GBE1: variants seen among roughly 807,000 people sequenced by gnomAD.
GBE1 encodes the protein 1,4-alpha-glucan-branching enzyme.
In GBE1, 70 loss-of-function variants were observed where a neutral mutation model predicts 88.8. That is an observed-to-expected ratio of 0.79 (90% confidence interval 0.65 to 0.96). The LOEUF (loss-of-function observed/expected upper bound fraction) is 0.96, where lower values mean the gene tolerates loss of function less well. Among genes scored for constraint, GBE1 ranks in the 40% least tolerant of loss-of-function variants. GBE1 has a pLI of 0.00. For missense variants in GBE1, 872 were observed against 871.0 expected (o/e 1.00, Z -0.01); for synonymous variants, 284 against 300.1 (o/e 0.95, Z 0.56).
At chr3:81,572,834 T>C (rs1171967481) in intron 12 of GBE1, among the ~76,000 whole-genome samples, 1 of 152,166 alleles carries the variant, frequency 6.6e-6, no homozygotes, top group South Asian at 2.1e-4. Flanking sequence ...ATGTGATCAC[T>C]GGACATAGTA....
intron 2 of GBE1, among the ~76,000 whole-genome samples, chr3:81,674,135 T>C (rs1352608878): frequency 6.6e-6 from 1 of 151,926 alleles, no homozygotes; most frequent in East Asian, 1.9e-4. Context: ...TCTCCAATCA[T>C]TGCTAAGCCC....
At position 81,648,879 on chromosome 3, in the gene GBE1, A is replaced by G; in HGVS notation, c.668T>C (p.Val223Ala). The G allele has an allele frequency of 6.3e-7, 1 of 1,575,514 alleles. No homozygotes were observed. The highest frequency in any genetic ancestry group is 8.6e-7 in the Non-Finnish European group (1 of 1,158,762). The change falls in exon 5 of 16, where the codon GTA (valine) becomes GCA (alanine). Residue 223 changes from valine to alanine, a missense_variant. Coordinates refer to ENST00000429644, the MANE Select transcript of GBE1 (RefSeq NM_000158.4). The part of the protein sequence containing the change: ...VASYKHFTCN[V>A]LPRIKGLGYN... ...ACCAAGGCCTTTGATTCTTGGTAGT[A>G]CATTGCATGTAAAATGTTTATAAGA...
chr3:81,725,360 C>G (rs1706094111), intron 1 of GBE1, among the ~76,000 whole-genome samples: 1 of 151,972 alleles, frequency 6.6e-6, no homozygotes, highest in East Asian at 1.9e-4. Flanking sequence ...TACCCCGGGT[C>G]AGGATTATCA....
chr3:81,641,848 G>A (rs1201798395), intron 7 of GBE1, among the ~76,000 whole-genome samples: 1 of 150,502 alleles, frequency 6.6e-6, no homozygotes, highest in Non-Finnish European at 1.5e-5. Flanking sequence ...TTATGTTTAT[G>A]TATGATGCAA....
intron 1 of GBE1, among the ~76,000 whole-genome samples, chr3:81,744,292 TAA>T (rs973661251): frequency 6.6e-6 from 1 of 151,968 alleles, no homozygotes; most frequent in African/African-American, 2.4e-5. Context: ...TCAGTACTCT[TAA>T]GTTACATGTT....
intron 7 of GBE1, among the ~76,000 whole-genome samples, chr3:81,615,203 A>G (rs564900491): frequency 6.6e-6 from 1 of 152,340 alleles, no homozygotes; most frequent in South Asian, 2.1e-4. Context: ...TGTATGCAAA[A>G]CCAAAATTCT....
At chr3:81,492,881 G>A (rs866822915) in intron 15 of GBE1, among the ~76,000 whole-genome samples, 2 of 151,946 alleles carry the variant, frequency 1.3e-5, no homozygotes, top group South Asian at 4.1e-4. Flanking sequence ...GGTATTACAG[G>A]CATGCAACAC....
intron 12 of GBE1, among the ~76,000 whole-genome samples, chr3:81,573,484 C>T (rs1356939928): frequency 1.3e-5 from 2 of 152,176 alleles, no homozygotes; most frequent in Admixed American, 1.3e-4. Flanking sequence ...GAACCTAGTG[C>T]ATGCATTACT....
intron 10 of GBE1, among the ~76,000 whole-genome samples, chr3:81,582,514 G>T (rs893060772): frequency 6.6e-6 from 1 of 152,088 alleles, no homozygotes; most frequent in Non-Finnish European, 1.5e-5. Context: ...TTGTGAATTT[G>T]TGCTGTTTAA....
intron 7 of GBE1, among the ~76,000 whole-genome samples, chr3:81,609,335 A>G (rs750399643): frequency 8.5e-5 from 13 of 152,176 alleles, no homozygotes; most frequent in Non-Finnish European, 1.8e-4. Flanking sequence ...TGAAACAGAT[A>G]TTAAGTGATT....
At chr3:81,559,664 A>G (rs1703393348) in intron 12 of GBE1, among the ~76,000 whole-genome samples, 1 of 152,090 alleles carries the variant, frequency 6.6e-6, no homozygotes, top group Admixed American at 6.6e-5. Context: ...ACTTGAAGAT[A>G]GCCACGTTGC....
chr3:81,644,100 T>A (rs182933719), intron 6 of GBE1, among the ~76,000 whole-genome samples: 255 of 152,254 alleles, frequency 1.7e-3, no homozygotes, highest in African/African-American at 5.9e-3. Context: ...CTTTATTTGT[T>A]TGCCACTTAC....
intron 2 of GBE1, among the ~76,000 whole-genome samples, chr3:81,705,168 G>A (rs1208046971): frequency 6.6e-6 from 1 of 152,134 alleles, no homozygotes; most frequent in Non-Finnish European, 1.5e-5. Context: ...TAAATTTGGA[G>A]TTGTCTTCCT....
chr3:81,750,653 A>G lies in GBE1; in HGVS notation c.143+10722T>C, dbSNP rs1411340148. 2.6e-3 allele frequency among the ~76,000 whole-genome samples: 163 copies of G among 62,042 alleles called. 12 individuals carry two copies. The highest frequency in any genetic ancestry group is 0.012 in the African/African-American group (110 of 9,008). The allele number at this position is 62,042 out of a possible 152,430, so 40.7% of individuals were successfully genotyped here. On this transcript the variant is annotated intron_variant, in intron 1 of 15. Transcript: ENST00000429644. ...TACGTATATATATATATGTATATAT[A>G]TATATGTATATATATATATACGTAT...
chr3:81,535,347 T>C, intron 13 of GBE1, 22 bp from the exon 14 acceptor site: 1 of 1,585,340 alleles, frequency 6.3e-7, no homozygotes, highest in South Asian at 1.2e-5. Flanking sequence ...AGCACACATG[T>C]TACATTTAAA....
chr3:81,547,117 G>A (rs1703215727), intron 12 of GBE1, among the ~76,000 whole-genome samples: 1 of 151,248 alleles, frequency 6.6e-6, no homozygotes, highest in Non-Finnish European at 1.5e-5. Flanking sequence ...CGGCACGTGG[G>A]GTGCATATAC....
At chr3:81,660,670 C>A (rs1705014479) in intron 3 of GBE1, among the ~76,000 whole-genome samples, 1 of 151,706 alleles carries the variant, frequency 6.6e-6, no homozygotes, top group Non-Finnish European at 1.5e-5. Flanking sequence ...TGTAATGCTA[C>A]TGACATATTA....
At chr3:81,649,309 A>G (rs1029596129) in intron 4 of GBE1, among the ~76,000 whole-genome samples, 6 of 152,112 alleles carry the variant, frequency 3.9e-5, no homozygotes, top group Non-Finnish European at 8.8e-5. Context: ...AGTATATATC[A>G]ACAAACTCCA....
At chr3:81,704,536 CCA>C (rs1296440562) in intron 2 of GBE1, among the ~76,000 whole-genome samples, 1 of 151,996 alleles carries the variant, frequency 6.6e-6, no homozygotes, top group African/African-American at 2.4e-5. Context: ...TTATCTGTCC[CCA>C]CAGTTTTGCT....
Sources: allele counts gnomAD v4.1 joint callset (sites outside exome capture counted in the v4.1 genomes callset), GRCh38; gene constraint gnomAD v4.1.1; transcripts MANE v1.5; gene names NCBI Gene and HGNC (gene_info 2026-07-23, HGNC 2026-07-21).